Variants in RALGAPA2 observed in about 807,000 individuals in gnomAD.
RALGAPA2 encodes the protein Ral GTPase activating protein catalytic subunit alpha 2.
A neutral mutation model predicts 230.4 loss-of-function variants in RALGAPA2; 139 were observed. The ratio of observed to expected loss-of-function variants is 0.60; its 90% CI spans 0.53 to 0.69. The LOEUF is 0.69. RALGAPA2 is among the 30% of genes least tolerant of loss of function. The probability of loss-of-function intolerance (pLI) is 0.00; values close to 1 mark genes in which losing one functional copy is unlikely to be tolerated. For missense variants in RALGAPA2, 2,163 were observed against 2,276.0 expected, an observed-to-expected ratio of 0.95 and a Z score of 1.01; for synonymous variants, 847 against 837.8, an observed-to-expected ratio of 1.01 and a Z score of -0.19.
chr20:20,422,459 T>G (rs569410372), intron 37 of RALGAPA2, among the ~76,000 whole-genome samples: 1 of 152,128 alleles, frequency 6.6e-6, no homozygotes, highest in African/African-American at 2.4e-5. Flanking sequence ...TGGTTCCAGC[T>G]GGTCAGGAGG....
intron 14 of RALGAPA2, among the ~76,000 whole-genome samples, chr20:20,606,668 C>T (rs748548308): frequency 6.6e-6 from 1 of 152,080 alleles, no homozygotes; most frequent in Non-Finnish European, 1.5e-5. Context: ...AGGAAGTGTC[C>T]TCCAGGTCCC....
intron 38 of RALGAPA2, among the ~76,000 whole-genome samples, 182 bp downstream of exon 38, chr20:20,411,845 G>A (rs1342254340): frequency 6.6e-6 from 1 of 152,202 alleles, no homozygotes; most frequent in Non-Finnish European, 1.5e-5. Flanking sequence ...GGAACTGAGT[G>A]AACAGCTCGA....
In RALGAPA2 at chr20:20,534,582, A is replaced by G. The variant is rs187421944; in HGVS notation, c.3473+1163T>C. On this transcript the variant is annotated intron_variant, in intron 26 of 39. Coordinates refer to ENST00000202677, the MANE Select transcript of RALGAPA2 (RefSeq NM_020343.4). ...AAAAAAAAAGTAGAAGAAGAAGAAA[A>G]CCTTAATAGTCCTAAAATCACTGAA... is the stretch of plus-strand genomic sequence containing the variant. Among the ~76,000 whole-genome samples the G allele has an allele frequency of 4.8e-3, 725 of 152,042 alleles. 4 individuals carry two copies. The highest frequency in any genetic ancestry group is 7.9e-3 in the Non-Finnish European group (539 of 67,966).
chr20:20,403,546 G>A (rs1212691804), intron 38 of RALGAPA2, among the ~76,000 whole-genome samples: 1 of 152,170 alleles, frequency 6.6e-6, no homozygotes, highest in Non-Finnish European at 1.5e-5. Context: ...TCTCCGTGGT[G>A]ATCTATTTCC....
intron 36 of RALGAPA2, among the ~76,000 whole-genome samples, chr20:20,491,273 A>C (rs2062050153): frequency 6.6e-6 from 1 of 152,162 alleles, no homozygotes; most frequent in South Asian, 2.1e-4. Flanking sequence ...ACCAGGGCTG[A>C]GTAAGTAGAG....
At chr20:20,463,542 T>A (rs143109051) in intron 37 of RALGAPA2, among the ~76,000 whole-genome samples, 1 of 152,244 alleles carries the variant, frequency 6.6e-6, no homozygotes, top group Non-Finnish European at 1.5e-5. Flanking sequence ...TGATTTTTAT[T>A]AGGATTCATT....
chr20:20,539,573 A>G (rs1387725503), intron 24 of RALGAPA2, among the ~76,000 whole-genome samples: 1 of 152,204 alleles, frequency 6.6e-6, no homozygotes, highest in African/African-American at 2.4e-5. Context: ...GATTACCACA[A>G]ACAAGTGAAT....
intron 37 of RALGAPA2, among the ~76,000 whole-genome samples, chr20:20,455,557 A>C (rs539933114): frequency 6.6e-5 from 10 of 152,332 alleles, no homozygotes; most frequent in Admixed American, 3.9e-4. Flanking sequence ...CTTCCAAGGC[A>C]GAACGGACAA....
At chr20:20,677,629 A>ATTTTTT (rs758379115) in intron 2 of RALGAPA2, among the ~76,000 whole-genome samples, 55 of 64,320 alleles carry the variant, frequency 8.6e-4, no homozygotes, top group Admixed American at 1.1e-3. Flanking sequence ...GATTTGACCC[A>ATTTTTT]TTTTTTTTTT....
Position 20,432,434 on chromosome 20 carries a change from G to A in RALGAPA2, c.5496-20286C>T, listed in dbSNP as rs957258355. Among the ~76,000 whole-genome samples, 8 of 152,122 alleles carry A rather than the reference G, an allele frequency of 5.3e-5. 1 individual carries two copies. The highest frequency in any genetic ancestry group is 3.3e-4 in the Admixed American group (5 of 15,274). On this transcript the variant is annotated intron_variant, in intron 37 of 39. Transcript: ENST00000202677. Reference sequence around the variant, plus strand: ...GCTAACCTTTTCAAAGGTGAGCGCCGTATATATTCATTTCAGCAAGTCACT... The same window carrying A: ...GCTAACCTTTTCAAAGGTGAGCGCCATATATATTCATTTCAGCAAGTCACT...
chr20:20,442,872 T>C (rs996889383), intron 37 of RALGAPA2, among the ~76,000 whole-genome samples: 1 of 152,256 alleles, frequency 6.6e-6, no homozygotes, highest in African/African-American at 2.4e-5. Flanking sequence ...TAGAAATCTA[T>C]GCACGAACTG....
intron 38 of RALGAPA2, among the ~76,000 whole-genome samples, chr20:20,400,613 T>C (rs1485954905): frequency 6.6e-6 from 1 of 152,234 alleles, no homozygotes; most frequent in Admixed American, 6.5e-5. Context: ...AAAGAAATGT[T>C]TCCAGACTCT....
chr20:20,574,171 G>T (rs956135878), intron 20 of RALGAPA2, among the ~76,000 whole-genome samples: 1 of 152,126 alleles, frequency 6.6e-6, no homozygotes, highest in Admixed American at 6.6e-5. Context: ...TCTCACTGAG[G>T]TTTTCATTTG....
chr20:20,490,868 AC>A (rs2062033017), intron 36 of RALGAPA2, among the ~76,000 whole-genome samples: 1 of 150,266 alleles, frequency 6.7e-6, no homozygotes, highest in African/African-American at 2.5e-5. Context: ...ATGAACACAC[AC>A]ACACACACAC....
At chr20:20,683,797 A>G (rs1172080785) in intron 1 of RALGAPA2, among the ~76,000 whole-genome samples, 2 of 152,062 alleles carry the variant, frequency 1.3e-5, no homozygotes, top group African/African-American at 4.8e-5. Flanking sequence ...CTGAATCACC[A>G]CATTTTCAAA....
chr20:20,620,491 A>G lies in RALGAPA2; in HGVS notation c.1373T>C (p.Leu458Ser). The G allele has an allele frequency of 6.2e-7, 1 of 1,613,908 alleles. No homozygotes were observed. The change falls in exon 11 of 40, where the codon TTA (leucine) becomes TCA (serine). Residue 458 changes from leucine (L) to serine (S), a missense_variant. Physicochemically the swap from Leu to Ser is moderately radical, Grantham distance 145. Transcript: ENST00000202677. ...KDVAQEDAEK[L>S]GFSETDSKEA... is the part of the protein sequence containing the mutation. ...CTTGCTATCAGTCTCGGAAAATCCT[A>G]ATTTTTCAGCATCTTCTTGGGCAAC...
In RALGAPA2 at chr20:20,511,292, T is replaced by C; in HGVS notation, c.4890A>G (p.Lys1630=). 6.4e-7 allele frequency: 1 copy of C among 1,565,954 alleles called. No homozygotes were observed. The highest frequency in any genetic ancestry group is 8.7e-7 in the Non-Finnish European group (1 of 1,154,246). The change falls in exon 33 of 40, where the codon AAA becomes AAG. Residue 1630 remains lysine, a synonymous_variant. Coordinates refer to ENST00000202677, the MANE Select transcript of RALGAPA2 (RefSeq NM_020343.4). The stretch of plus-strand genomic sequence containing the variant: ...CCAAATTTTTCAGCTCTCTCAATAA[T>C]TTTGAATTTTTCTTCAATAGATGAA... ...KNFHLLKKNS[K]LLRELKNLDS...
intron 1 of RALGAPA2, among the ~76,000 whole-genome samples, chr20:20,701,901 G>GCCGC (rs1224872841): frequency 6.6e-6 from 1 of 151,430 alleles, no homozygotes; most frequent in Non-Finnish European, 1.5e-5. Context: ...TTAGCCAGGC[G>GCCGC]CGGCGGCAGG....
chr20:20,627,899 C>CTTTCTTTTACTTG (rs2066540933), intron 10 of RALGAPA2, among the ~76,000 whole-genome samples: 1 of 152,034 alleles, frequency 6.6e-6, no homozygotes, highest in Non-Finnish European at 1.5e-5. Context: ...CAGTAAAGGC[C>CTTTCTTTTACTTG]CCAAGGAGGC....
Sources: gnomAD v4.1 joint callset for allele counts (sites outside exome capture counted in the v4.1 genomes callset) on GRCh38, gnomAD v4.1.1 for gene constraint, MANE v1.5 for transcripts, NCBI Gene and HGNC (gene_info 2026-07-23, HGNC 2026-07-21) for gene names.